POC1A: variants seen among roughly 807,000 people sequenced by gnomAD.
The protein encoded by POC1A is POC1 centriolar protein homolog A.
A neutral mutation model predicts 47.8 loss-of-function variants in POC1A; 34 were observed. The observed-to-expected ratio is 0.71, with a 90% CI of 0.54 to 0.95. The LOEUF is 0.95. POC1A is among the 40% of genes least tolerant of loss of function. The pLI, the probability that POC1A is intolerant of heterozygous loss-of-function variation, is 0.00. For synonymous variants in POC1A, 177 were observed against 207.6 expected (o/e 0.85, Z 1.27); for missense variants, 466 against 528.3 (o/e 0.88, Z 1.16).
In POC1A at chr3:52,075,762, C is replaced by T. The variant is rs186189054; in HGVS notation, c.*125G>A. On this transcript the variant is annotated 3_prime_UTR_variant, in exon 11 of 11. Transcript: ENST00000296484. ...AGGTGGAGGGCAGAACTGCAAAAAT[C>T]CAGGGCTCCAGTATGGATGTGATTC... 6.7e-3 allele frequency: 5,111 copies of T among 766,316 alleles called. 46 individuals carry two copies. Among genetic ancestry groups the T allele is most frequent in the Non-Finnish European group, 7.7e-3 (3,390 of 438,580 alleles). The allele number at this position is 766,316 out of a possible 1,614,324, so 47.5% of individuals were successfully genotyped here.
rs1697785397 is a variant in POC1A, at chr3:52,135,275, G to C, written c.813+2894C>G. On this transcript the variant is annotated intron_variant, in intron 7 of 10. Transcript: ENST00000296484. The stretch of plus-strand genomic sequence containing the variant: ...TAGCCACAGATCTCCATAAGCACTA[G>C]GTATTCTGTCCAGCCAGTGGACCCC... Among the ~76,000 whole-genome samples the C allele has an allele frequency of 2.0e-5, 3 of 152,340 alleles. No homozygotes were observed. In the South Asian group the frequency reaches 6.2e-4, roughly 32 times the overall value.
Position 52,125,095 on chromosome 3 carries a change from C to A in POC1A, c.882+18G>T, listed in dbSNP as rs747303522. The A allele has an allele frequency of 3.2e-6, 5 of 1,577,674 alleles. No individual in the cohort carries two copies. Among genetic ancestry groups the A allele is most frequent in the Middle Eastern group, 1.7e-4 (1 of 5,992 alleles). Reference sequence around the variant, plus strand: ...AGATTCCCTTCTTCACCATTCCATTCGACTACTCTTTACTTACTTGTTCAT... The same window carrying A: ...AGATTCCCTTCTTCACCATTCCATTAGACTACTCTTTACTTACTTGTTCAT... On this transcript the variant is annotated intron_variant, in intron 8 of 10. Coordinates refer to ENST00000296484, the MANE Select transcript of POC1A (RefSeq NM_015426.5).
At chr3:52,098,572 G>A (rs1341666648) in intron 9 of POC1A, among the ~76,000 whole-genome samples, 3 of 152,184 alleles carry the variant, frequency 2.0e-5, no homozygotes, top group Admixed American at 6.5e-5. Context: ...AGAGGGTTGC[G>A]GCAGCCACCA....
intron 10 of POC1A, among the ~76,000 whole-genome samples, chr3:52,086,727 A>G (rs1347297497): frequency 6.6e-6 from 1 of 152,238 alleles, no homozygotes; most frequent in Non-Finnish European, 1.5e-5. Flanking sequence ...GCCACCAACC[A>G]GTACCTAATG....
intron 9 of POC1A, among the ~76,000 whole-genome samples, chr3:52,121,625 G>A (rs994443359): frequency 6.6e-6 from 1 of 152,116 alleles, no homozygotes; most frequent in African/African-American, 2.4e-5. Context: ...TGGGCGAGCC[G>A]CTTCCTGTTG....
At chr3:52,100,765 T>G (rs554257368) in intron 9 of POC1A, among the ~76,000 whole-genome samples, 1 of 150,962 alleles carries the variant, frequency 6.6e-6, no homozygotes, top group Non-Finnish European at 1.5e-5. Context: ...CAAAAAAAAA[T>G]GGGGGCAGAA....
At chr3:52,123,976 G>A (rs1577879878) in intron 8 of POC1A, among the ~76,000 whole-genome samples, 3 of 152,332 alleles carry the variant, frequency 2.0e-5, no homozygotes, top group South Asian at 2.1e-4. Flanking sequence ...GACTGGTGCT[G>A]GTGTGGGAAG....
intron 9 of POC1A, among the ~76,000 whole-genome samples, chr3:52,100,618 G>A (rs1351308811): frequency 2.0e-5 from 3 of 152,214 alleles, no homozygotes; most frequent in Admixed American, 6.5e-5. Context: ...GAGTGGGTAA[G>A]TTACAGTTTT....
chr3:52,107,649 C>T (rs563017833), intron 9 of POC1A, among the ~76,000 whole-genome samples: 2 of 152,302 alleles, frequency 1.3e-5, no homozygotes, highest in Admixed American at 6.5e-5. Context: ...ATACCTGAAC[C>T]GAGGTACCCT....
intron 9 of POC1A, among the ~76,000 whole-genome samples, chr3:52,109,021 G>C (rs1456246333): frequency 6.6e-6 from 1 of 152,178 alleles, no homozygotes; most frequent in Admixed American, 6.5e-5. Flanking sequence ...AGTGTGGTGT[G>C]AGCCCAGACG....
At chr3:52,099,121 CA>C (rs1254564844) in intron 9 of POC1A, among the ~76,000 whole-genome samples, 1 of 152,212 alleles carries the variant, frequency 6.6e-6, no homozygotes, top group Non-Finnish European at 1.5e-5. Flanking sequence ...GTCACTTCCC[CA>C]ACCCAGCTGC....
At chr3:52,087,782 G>A (rs1237430452) in intron 10 of POC1A, among the ~76,000 whole-genome samples, 1 of 152,212 alleles carries the variant, frequency 6.6e-6, no homozygotes, top group Non-Finnish European at 1.5e-5. Flanking sequence ...GGACCCATGG[G>A]GTGTTGCTCA....
At chr3:52,153,766 T>A (rs569210117) in intron 1 of POC1A, among the ~76,000 whole-genome samples, 1 of 152,248 alleles carries the variant, frequency 6.6e-6, no homozygotes, top group Non-Finnish European at 1.5e-5. Context: ...TATCCTAGCC[T>A]GGAATCTCCG....
chr3:52,143,684 TGCCAG>T (rs1698272264), intron 6 of POC1A, among the ~76,000 whole-genome samples: 1 of 152,134 alleles, frequency 6.6e-6, no homozygotes, highest in Non-Finnish European at 1.5e-5. Context: ...CCCACTCTGA[TGCCAG>T]CCCCTACTTT....
At chr3:52,089,614 T>C (rs1183719055) in intron 10 of POC1A, among the ~76,000 whole-genome samples, 2 of 152,094 alleles carry the variant, frequency 1.3e-5, no homozygotes, top group Non-Finnish European at 2.9e-5. Flanking sequence ...CCACCACCCT[T>C]ATGGCCCTGT....
chr3:52,135,207 T>C (rs1704399886), intron 7 of POC1A, among the ~76,000 whole-genome samples: 1 of 152,176 alleles, frequency 6.6e-6, no homozygotes, highest in African/African-American at 2.4e-5. Context: ...GCCCAGCCCC[T>C]ACGGATTTCT....
At chr3:52,141,058 T>TCTCCACTCCA (rs1400486036) in intron 6 of POC1A, among the ~76,000 whole-genome samples, 1 of 152,126 alleles carries the variant, frequency 6.6e-6, no homozygotes, top group Non-Finnish European at 1.5e-5. Flanking sequence ...TCTTATCCCA[T>TCTCCACTCCA]CTCCACTCCA....
Position 52,147,050 on chromosome 3 carries a change from C to G in POC1A, c.501G>C (p.Lys167Asn). ...GRLIVSASDD[K>N]TVKLWDKSSR... The stretch of plus-strand genomic sequence containing the variant: ...TGCTCTTGTCCCACAGCTTAACAGT[C>G]TTGTCATCACTGGCAGACACGATGA... The change falls in exon 5 of 11, where the codon AAG becomes AAC. Residue 167 changes from lysine to asparagine, a missense_variant. Transcript: ENST00000296484. 4 of 1,614,156 alleles carry G rather than the reference C, an allele frequency of 2.5e-6. No individual in the cohort carries two copies. Among genetic ancestry groups the G allele is most frequent in the Non-Finnish European group, 3.4e-6 (4 of 1,180,024 alleles).
intron 7 of POC1A, among the ~76,000 whole-genome samples, chr3:52,133,981 G>A (rs1027035314): frequency 1.3e-5 from 2 of 152,220 alleles, no homozygotes; most frequent in Non-Finnish European, 2.9e-5. Context: ...AGCCATCTCT[G>A]AGGACACAGC....
Sources: allele counts gnomAD v4.1 joint callset (sites outside exome capture counted in the v4.1 genomes callset), GRCh38; gene constraint gnomAD v4.1.1; transcripts MANE v1.5; gene names NCBI Gene and HGNC (gene_info 2026-07-23, HGNC 2026-07-21).